The following N4BP2L2 variants were observed in gnomAD, a reference collection of about 807,000 sequenced individuals.
The protein encoded by N4BP2L2 is NEDD4 binding protein 2 like 2, also known as NEDD4-binding protein 2-like 2.
Under a neutral mutation model 56.2 loss-of-function variants are expected in N4BP2L2, and 50 were observed. The ratio of observed to expected loss-of-function variants is 0.89; its 90% CI spans 0.71 to 1.13. The LOEUF (loss-of-function observed/expected upper bound fraction) is 1.13, where lower values mean the gene tolerates loss of function less well. Among genes scored for constraint, N4BP2L2 ranks in the 50% most tolerant of loss-of-function variants. The pLI is 0.00. For missense variants in N4BP2L2, 689 were observed against 693.8 expected (o/e 0.99, Z 0.08); for synonymous variants, 203 against 223.6 (o/e 0.91, Z 0.82).
At chr13:32,462,160 T>C (rs763828515) in intron 6 of N4BP2L2, among the ~76,000 whole-genome samples, 8 of 152,224 alleles carry the variant, frequency 5.3e-5, no homozygotes, top group Admixed American at 6.5e-5. Flanking sequence ...ATTGCAGCAC[T>C]ATTCACAACA....
intron 9 of N4BP2L2, among the ~76,000 whole-genome samples, chr13:32,433,348 T>C (rs1944260569): frequency 6.6e-6 from 1 of 152,258 alleles, no homozygotes; most frequent in East Asian, 1.9e-4. Context: ...GGCAATGTTT[T>C]GGCTGGGCAC....
chr13:32,522,195 G>A, exon 4 of N4BP2L2: 1 of 1,550,660 alleles, frequency 6.4e-7, no homozygotes, highest in East Asian at 2.3e-5. Flanking sequence ...TTCCACATAT[G>A]GCTTCATTTC....
intron 6 of N4BP2L2, among the ~76,000 whole-genome samples, chr13:32,488,811 T>C (rs2086449527): frequency 6.6e-6 from 1 of 152,166 alleles, no homozygotes; most frequent in South Asian, 2.1e-4. Context: ...GTAAAGAAAT[T>C]AGGCAAAAAA....
intron 2 of N4BP2L2, among the ~76,000 whole-genome samples, chr13:32,529,657 G>GT (rs11340287): frequency 5.0e-3 from 733 of 145,866 alleles, no homozygotes; most frequent in Non-Finnish European, 7.6e-3. Context: ...TTCCTTTTTT[G>GT]TTTTTTTTTT....
intron 2 of N4BP2L2, among the ~76,000 whole-genome samples, 170 bp downstream of exon 2, chr13:32,535,599 T>C (rs1170006562): frequency 6.6e-6 from 1 of 152,198 alleles, no homozygotes; most frequent in Admixed American, 6.5e-5. Flanking sequence ...AGACAGGGTC[T>C]CACTATGTTG....
At chr13:32,455,416 A>G (rs186383101) in intron 6 of N4BP2L2, among the ~76,000 whole-genome samples, 251 of 152,282 alleles carry the variant, frequency 1.6e-3, no homozygotes, top group Non-Finnish European at 3.0e-3. Context: ...GCTCATGTGC[A>G]CAAGCCCTGA....
At chr13:32,433,762 T>A (rs1301746236) in intron 9 of N4BP2L2, among the ~76,000 whole-genome samples, 2 of 148,608 alleles carry the variant, frequency 1.3e-5, no homozygotes, top group East Asian at 4.0e-4. Flanking sequence ...CCGTCTCTAC[T>A]AAAAATACAA....
chr13:32,538,279 C>A (rs759977559), intron 1 of N4BP2L2, among the ~76,000 whole-genome samples: 2 of 150,564 alleles, frequency 1.3e-5, no homozygotes, highest in South Asian at 2.1e-4. Flanking sequence ...AAAAGGCCTC[C>A]TCTCGGTTTC....
chr13:32,485,043 C>T (rs1014114499), intron 6 of N4BP2L2, among the ~76,000 whole-genome samples: 3 of 152,270 alleles, frequency 2.0e-5, no homozygotes, highest in Admixed American at 2.0e-4. Flanking sequence ...TGGTACACTG[C>T]TACAAAATAA....
intron 7 of N4BP2L2, among the ~76,000 whole-genome samples, chr13:32,439,401 T>G (rs2075926395): frequency 6.6e-6 from 1 of 152,214 alleles, no homozygotes. Context: ...GATGACATCA[T>G]GCACTCAAGG....
In N4BP2L2 at chr13:32,522,228, TC is replaced by T; in HGVS notation, c.1426del (p.Asp476IlefsTer10). ...TTCCCAAGCTTGTATATTAGTGTTA[TC>T]TATTATAACTGGAGATCTTCCCTGA... On this transcript the variant is annotated frameshift_variant, in exon 4 of 6. Coordinates refer to ENST00000267068, the Ensembl canonical transcript of N4BP2L2. LOFTEE classifies it high-confidence loss of function. 1 of 1,575,628 alleles carries T rather than the reference TC, an allele frequency of 6.3e-7. No homozygotes were observed.
chr13:32,458,140 C>G (rs2079312096), intron 6 of N4BP2L2, among the ~76,000 whole-genome samples: 1 of 152,214 alleles, frequency 6.6e-6, no homozygotes, highest in Non-Finnish European at 1.5e-5. Context: ...TCTCGGCTCA[C>G]TGTCAGCTCC....
In N4BP2L2 at chr13:32,526,818, G is replaced by GTTTTTTTTTTTTTTTTT. The variant is rs35925361; in HGVS notation, c.1384+573_1384+589dup. The GTTTTTTTTTTTTTTTTT allele has an allele frequency of 8.7e-4, 21 of 24,244 alleles. 6 individuals carry two copies. The highest frequency in any genetic ancestry group is 1.1e-3 in the African/African-American group (8 of 7,326). 1.5% of individuals were successfully genotyped at this position (24,244 alleles called of 1,614,324 possible). On this transcript the variant is annotated intron_variant, in intron 3 of 5. Coordinates refer to ENST00000267068, the Ensembl canonical transcript of N4BP2L2. The stretch of plus-strand genomic sequence containing the variant: ...CTGAGGCCAGGCACACTTTTTGTCT[G>GTTTTTTTTTTTTTTTTT]TTTTTTTTTTTTTTTTTTTTTTTTT...
At chr13:32,518,102 T>A in intron 5 of N4BP2L2, 99 bp from the exon 6 acceptor site, 3 of 1,095,824 alleles carry the variant, frequency 2.7e-6, no homozygotes, top group Non-Finnish European at 3.8e-6. Context: ...TAAATAATAT[T>A]TTGTAAATAA....
exon 2 of N4BP2L2, chr13:32,536,227 T>C: frequency 6.2e-7 from 1 of 1,613,958 alleles, no homozygotes; most frequent in East Asian, 2.2e-5. Context: ...CTGACTGCCA[T>C]TCAGGCCTGA....
intron 6 of N4BP2L2, among the ~76,000 whole-genome samples, chr13:32,487,739 C>T (rs1253031894): frequency 6.6e-6 from 1 of 152,096 alleles, no homozygotes; most frequent in Admixed American, 6.6e-5. Context: ...CGAATATCTT[C>T]CCCATAGCAG....
intron 6 of N4BP2L2, among the ~76,000 whole-genome samples, chr13:32,487,659 G>T (rs529591636): frequency 5.9e-5 from 9 of 151,868 alleles, no homozygotes; most frequent in Non-Finnish European, 1.0e-4. Flanking sequence ...GCAACAGAAC[G>T]CGACTCCATC....
At chr13:32,480,346 C>A (rs900486065) in intron 6 of N4BP2L2, among the ~76,000 whole-genome samples, 3 of 152,080 alleles carry the variant, frequency 2.0e-5, no homozygotes, top group Non-Finnish European at 4.4e-5. Flanking sequence ...ACCTGGAGAA[C>A]CTCATTTAAT....
chr13:32,510,414 AT>A (rs376330340), exon 6 of N4BP2L2: 3 of 152,258 alleles, frequency 2.0e-5, no homozygotes, highest in Admixed American at 6.5e-5. Context: ...ATGGAAAAAA[AT>A]GTTCCTAAAA....
Sources: gnomAD v4.1 joint callset for allele counts (sites outside exome capture counted in the v4.1 genomes callset) on GRCh38, gnomAD v4.1.1 for gene constraint, MANE v1.5 for transcripts, NCBI Gene and HGNC (gene_info 2026-07-23, HGNC 2026-07-21) for gene names.